The following CADPS variants were observed in gnomAD, a reference collection of about 807,000 sequenced individuals.
CADPS encodes calcium dependent secretion activator.
Under a neutral mutation model 167.3 loss-of-function variants are expected in CADPS, and 57 were observed. The ratio of observed to expected loss-of-function variants is 0.34; its 90% confidence interval spans 0.28 to 0.42. CADPS has a LOEUF of 0.42. Among genes scored for constraint, CADPS ranks in the 20% least tolerant of loss-of-function variants. The probability of loss-of-function intolerance (pLI) is 1.00; values close to 1 mark genes in which losing one functional copy is unlikely to be tolerated. For synonymous variants in CADPS, 676 were observed against 635.3 expected (o/e 1.06, Z -0.96); for missense variants, 1,414 against 1,738.1 (o/e 0.81, Z 3.32).
intron 10 of CADPS, among the ~76,000 whole-genome samples, chr3:62,553,494 GCTGATGACTATAACCA>G (rs1430611106): frequency 6.6e-6 from 1 of 152,206 alleles, no homozygotes; most frequent in Non-Finnish European, 1.5e-5. Context: ...TGTCTCCACA[GCTGATGACTATAACCA>G]CTGTGCTTTA....
At chr3:62,814,160 C>A (rs1489425682) in intron 1 of CADPS, among the ~76,000 whole-genome samples, 1 of 152,140 alleles carries the variant, frequency 6.6e-6, no homozygotes, top group African/African-American at 2.4e-5. Context: ...CTGAGAAACT[C>A]ATTTCCCCAA....
chr3:62,473,449 T>C (rs1290497712), intron 24 of CADPS, among the ~76,000 whole-genome samples: 2 of 152,214 alleles, frequency 1.3e-5, no homozygotes, highest in South Asian at 2.1e-4. Flanking sequence ...GGCAACAACA[T>C]AGAGTTGCCA....
intron 1 of CADPS, among the ~76,000 whole-genome samples, chr3:62,859,019 T>G (rs942446227): frequency 6.6e-6 from 1 of 152,128 alleles, no homozygotes; most frequent in African/African-American, 2.4e-5. Context: ...CAAAAGACTA[T>G]GCCAAAGGAT....
intron 1 of CADPS, among the ~76,000 whole-genome samples, chr3:62,766,301 G>T (rs2086844987): frequency 6.6e-6 from 1 of 152,006 alleles, no homozygotes; most frequent in Non-Finnish European, 1.5e-5. Flanking sequence ...TATGGTATTT[G>T]CATGAGGGAA....
At chr3:62,428,296 C>CTTTTTTTTTT (rs34002756) in intron 28 of CADPS, among the ~76,000 whole-genome samples, 3 of 64,644 alleles carry the variant, frequency 4.6e-5, no homozygotes, top group Non-Finnish European at 7.7e-5. Flanking sequence ...GGAAGCAAGA[C>CTTTTTTTTTT]TTTTTTTTTT....
At chr3:62,759,822 G>A (rs1393985840) in intron 2 of CADPS, among the ~76,000 whole-genome samples, 1 of 152,094 alleles carries the variant, frequency 6.6e-6, no homozygotes, top group East Asian at 1.9e-4. Context: ...TAGTGGGCAT[G>A]TTTTACTTTC....
Position 62,466,322 on chromosome 3 carries a change from C to T in CADPS, c.3552+17G>A, listed in dbSNP as rs1046521207. On this transcript the variant is annotated intron_variant, in intron 25 of 29. Transcript: ENST00000383710. Reference sequence around the variant, plus strand: ...CAGTGTTCACAATGAAACATTTCACCTGAAGCTGGAGGTTACCTTTGCAAC... The same window carrying T: ...CAGTGTTCACAATGAAACATTTCACTTGAAGCTGGAGGTTACCTTTGCAAC... 6.4e-7 allele frequency: 1 copy of T among 1,561,550 alleles called. No homozygotes were observed. The highest frequency in any genetic ancestry group is 1.4e-5 in the African/African-American group (1 of 73,898).
At chr3:62,719,938 G>C (rs961815822) in intron 3 of CADPS, among the ~76,000 whole-genome samples, 1 of 152,168 alleles carries the variant, frequency 6.6e-6, no homozygotes, top group African/African-American at 2.4e-5. Flanking sequence ...TCTGGTGAAA[G>C]ACCCTCCAGA....
intron 26 of CADPS, among the ~76,000 whole-genome samples, chr3:62,456,183 T>C (rs1206578232): frequency 6.6e-6 from 1 of 152,178 alleles, no homozygotes; most frequent in African/African-American, 2.4e-5. Context: ...GGCTAGAAAG[T>C]ATCAGTACTT....
At chr3:62,641,068 AT>A (rs1162451964) in intron 6 of CADPS, among the ~76,000 whole-genome samples, 1 of 152,070 alleles carries the variant, frequency 6.6e-6, no homozygotes. Context: ...TACTTAATAT[AT>A]TTTATTTAAA....
chr3:62,654,444 C>A (rs2071018635), intron 4 of CADPS, among the ~76,000 whole-genome samples: 1 of 152,104 alleles, frequency 6.6e-6, no homozygotes, highest in African/African-American at 2.4e-5. Flanking sequence ...AGTTTGCCAC[C>A]AGGTTGAGTT....
intron 1 of CADPS, among the ~76,000 whole-genome samples, chr3:62,775,450 C>T (rs189658327): frequency 2.0e-5 from 3 of 152,188 alleles, no homozygotes; most frequent in Admixed American, 2.0e-4. Context: ...CATTTCATCA[C>T]ACAATACATA....
At chr3:62,673,992 A>C (rs943800562) in intron 3 of CADPS, among the ~76,000 whole-genome samples, 1 of 152,222 alleles carries the variant, frequency 6.6e-6, no homozygotes, top group Non-Finnish European at 1.5e-5. Flanking sequence ...TTTGCTAAAA[A>C]ATACCTGCTC....
Position 62,418,294 on chromosome 3 carries a change from C to T in CADPS, c.3778-15109G>A, listed in dbSNP as rs1168345916. 2.0e-5 allele frequency among the ~76,000 whole-genome samples: 3 copies of T among 147,700 alleles called. No homozygotes were observed. In the East Asian group the frequency reaches 5.9e-4, roughly 29 times the overall value. ...CAGAGATTGGGAAGCCCATGGGTTA[C>T]ATGTTTTCTTTTTCTTTTCTTTTTT... On this transcript the variant is annotated intron_variant, in intron 28 of 29. Transcript: ENST00000383710.
intron 1 of CADPS, among the ~76,000 whole-genome samples, chr3:62,773,973 C>T (rs116597907): frequency 2.7e-3 from 415 of 152,124 alleles, no homozygotes; most frequent in African/African-American, 9.8e-3. Context: ...ATAAATTGGC[C>T]ACATGATACT....
In CADPS at chr3:62,599,124, A is replaced by G. The variant is rs1312436298; in HGVS notation, c.1326-6376T>C. ...TAAAGTGTCCCAGAACTGAAATACA[A>G]TTGCATTTTGATTTGAAAAGACCAG... is the stretch of plus-strand genomic sequence containing the variant. On this transcript the variant is annotated intron_variant, in intron 6 of 29. Coordinates refer to ENST00000383710, the MANE Select transcript of CADPS (RefSeq NM_003716.4). Among the ~76,000 whole-genome samples, 3 of 152,064 alleles carry G rather than the reference A, an allele frequency of 2.0e-5. No homozygotes were observed. The South Asian group carries it at 6.2e-4, about 31-fold the overall frequency.
chr3:62,808,125 A>AG (rs146370996), intron 1 of CADPS, among the ~76,000 whole-genome samples: 26,849 of 151,810 alleles, frequency 0.18, 2,797 homozygotes, highest in Middle Eastern at 0.31. Context: ...CGCCAGCCTC[A>AG]GCCTCCCAAA....
rs60942307 is a variant in CADPS, at chr3:62,748,344, CAAAAAAAAAAAAAA to C, written c.888+5083_888+5096del. Among the ~76,000 whole-genome samples, 6 of 48,510 alleles carry C rather than the reference CAAAAAAAAAAAAAA, an allele frequency of 1.2e-4. No homozygotes were observed. In the Admixed American group the frequency reaches 2.2e-3, roughly 17 times the overall value. The allele number at this position is 48,510 out of a possible 152,430, so 31.8% of individuals were successfully genotyped here. ...CTGGGCGAGAAGCGAGACTCCGTCT[CAAAAAAAAAAAAAA>C]AAAAAAAAAAAAAAATTAAGATGTA... On this transcript the variant is annotated intron_variant, in intron 3 of 29. Coordinates refer to ENST00000383710, the MANE Select transcript of CADPS (RefSeq NM_003716.4).
Position 62,478,472 on chromosome 3 carries a change from A to G in CADPS, c.3174-56T>C. 1 of 1,529,128 alleles carries G rather than the reference A, an allele frequency of 6.5e-7. No homozygotes were observed. The highest frequency in any genetic ancestry group is 8.9e-7 in the Non-Finnish European group (1 of 1,121,862). The allele number at this position is 1,529,128 out of a possible 1,614,324, so 94.7% of individuals were successfully genotyped here. A position where few individuals can be genotyped will look rare whatever the true frequency, so the allele number is the denominator to read the frequency against. On this transcript the variant is annotated intron_variant, in intron 22 of 29. Transcript: ENST00000383710. The surrounding 1 kb of genome is among the most constrained non-coding windows in gnomAD (Gnocchi z 5.7). Reference sequence around the variant, plus strand: ...CACCCACTGGCCTCAGGCTCTACAAAAACTAACACAGAGACAACTGGGGGC... The same window carrying G: ...CACCCACTGGCCTCAGGCTCTACAAGAACTAACACAGAGACAACTGGGGGC...
Sources: allele counts gnomAD v4.1 joint callset (sites outside exome capture counted in the v4.1 genomes callset), GRCh38; gene constraint gnomAD v4.1.1; non-coding constraint Gnocchi (gnomAD v3.1); transcripts MANE v1.5; gene names NCBI Gene and HGNC (gene_info 2026-07-23, HGNC 2026-07-21).